TSPEAR: variants seen among roughly 807,000 people sequenced by gnomAD.
TSPEAR encodes the protein thrombospondin type laminin G domain and EAR repeats.
Under a neutral mutation model 71.6 loss-of-function variants are expected in TSPEAR, and 69 were observed. The observed-to-expected ratio is 0.96, with a 90% CI of 0.79 to 1.18. The LOEUF is 1.18. Ranked by LOEUF, TSPEAR falls within the 50% of genes most tolerant of loss-of-function variation. The probability of loss-of-function intolerance (pLI) is 0.00; values close to 1 mark genes in which losing one functional copy is unlikely to be tolerated. For synonymous variants in TSPEAR, 402 were observed against 387.2 expected, an observed-to-expected ratio of 1.04 and a Z score of -0.45; for missense variants, 971 against 894.9, an observed-to-expected ratio of 1.09 and a Z score of -1.09.
In TSPEAR at chr21:44,612,822, A is replaced by G. The variant is rs1555931523; in HGVS notation, c.83-44817T>C. ...TCCTCCTGCCAGCCCAGCTGCTGCC[A>G]CCCGGCCTCCTGCCTGTCCTTCCTC... On this transcript the variant is annotated intron_variant, in intron 1 of 11. Coordinates refer to ENST00000323084, the MANE Select transcript of TSPEAR (RefSeq NM_144991.3). The surrounding 1 kb of genome is among the most constrained non-coding windows in gnomAD (Gnocchi z 4.1). The G allele has an allele frequency of 1.9e-6, 3 of 1,611,128 alleles. No individual in the cohort carries two copies. Among genetic ancestry groups the G allele is most frequent in the East Asian group, 2.2e-5 (1 of 44,776 alleles).
rs1988221398 is a variant in TSPEAR at position 44,711,484 on chromosome 21, G to A, written c.31C>T (p.Leu11=). The stretch of plus-strand genomic sequence containing the variant: ...CCGTGGCCGGGGGCCGCCAGGGGCA[G>A]CACAAAACACAGACTCAGCAGGGCA... MSALLSLCFV[L]PLAAPGHGTQ... is the part of the protein sequence containing the mutation. Residue 11 remains leucine, a synonymous_variant, in exon 1 of 12, where the codon CTG becomes TTG. Coordinates refer to ENST00000323084, the MANE Select transcript of TSPEAR (RefSeq NM_144991.3). This position sits in a 1 kb window ranked among gnomAD's most constrained non-coding sequence, Gnocchi z 4.5. 1 of 1,612,168 alleles carries A rather than the reference G, an allele frequency of 6.2e-7. No homozygotes were observed. Among genetic ancestry groups the A allele is most frequent in the South Asian group, 1.1e-5 (1 of 90,840 alleles).
chr21:44,524,231 T>C (rs1167571733), intron 8 of TSPEAR, among the ~76,000 whole-genome samples: 1 of 150,104 alleles, frequency 6.7e-6, no homozygotes, highest in African/African-American at 2.5e-5. Context: ...AGTCAGTCAG[T>C]CAGTGAGGTA....
intron 1 of TSPEAR, among the ~76,000 whole-genome samples, chr21:44,639,201 C>A (rs1000350670): frequency 6.6e-6 from 1 of 152,094 alleles, no homozygotes; most frequent in African/African-American, 2.4e-5. Context: ...TGTCCCCGCA[C>A]CCCCAGCCTC....
chr21:44,530,461 A>G (rs1364064336), intron 4 of TSPEAR, among the ~76,000 whole-genome samples: 1 of 151,250 alleles, frequency 6.6e-6, no homozygotes, highest in Non-Finnish European at 1.5e-5. Context: ...CTCTCCACGC[A>G]TCCATCCCTC....
chr21:44,564,134 T>G (rs1397733135), intron 2 of TSPEAR, among the ~76,000 whole-genome samples: 3 of 152,190 alleles, frequency 2.0e-5, no homozygotes, highest in Non-Finnish European at 4.4e-5. Flanking sequence ...TCTGGGAACA[T>G]GCATTTTGGG....
chr21:44,515,553 C>T (rs1179756934), intron 9 of TSPEAR: 1 of 152,446 alleles, frequency 6.6e-6, no homozygotes, highest in Non-Finnish European at 1.5e-5. Flanking sequence ...AGACCCTCCC[C>T]TTGGTTCCGG....
chr21:44,666,377 G>A (rs1404829631), intron 1 of TSPEAR: 3 of 1,485,728 alleles, frequency 2.0e-6, no homozygotes, highest in African/African-American at 1.4e-5. Context: ...GACCAACTGA[G>A]GACTCATCCA....
intron 1 of TSPEAR, among the ~76,000 whole-genome samples, chr21:44,658,737 T>C (rs1985319776): frequency 6.6e-6 from 1 of 152,078 alleles, no homozygotes; most frequent in African/African-American, 2.4e-5. Flanking sequence ...GGTAATAAGA[T>C]GTTGGGAAAC....
chr21:44,582,533 G>A (rs587657448), intron 1 of TSPEAR, among the ~76,000 whole-genome samples: 2 of 152,282 alleles, frequency 1.3e-5, no homozygotes, highest in East Asian at 3.9e-4. Context: ...GAATGGGTGT[G>A]GTGATTCCTT....
At position 44,506,063 on chromosome 21, in the gene TSPEAR, G is replaced by A. The variant is rs1555911881; in HGVS notation, c.1755-1182C>T. ...TCAGCTGTGAGGTCAGCGGCCGTGA[G>A]GTCACTCCAGGAGGTGCCTACAGGA... On this transcript the variant is annotated intron_variant, in intron 10 of 11. Coordinates refer to ENST00000323084, the MANE Select transcript of TSPEAR (RefSeq NM_144991.3). This position sits in a 1 kb window ranked among gnomAD's most constrained non-coding sequence, Gnocchi z 4.2. Among the ~76,000 whole-genome samples, 2 of 152,206 alleles carry A rather than the reference G, an allele frequency of 1.3e-5. No individual in the cohort carries two copies. The highest frequency in any genetic ancestry group is 2.9e-5 in the Non-Finnish European group (2 of 68,028).
At chr21:44,542,995 T>TTACTGTCTACTGTC (rs2053247415) in intron 2 of TSPEAR, among the ~76,000 whole-genome samples, 1 of 151,788 alleles carries the variant, frequency 6.6e-6, no homozygotes, top group South Asian at 2.1e-4. Flanking sequence ...AATGATATAT[T>TTACTGTCTACTGTC]TACTGTCTGA....
At chr21:44,503,532 C>T (rs587690044) in intron 11 of TSPEAR, among the ~76,000 whole-genome samples, 7 of 114,642 alleles carry the variant, frequency 6.1e-5, no homozygotes, top group South Asian at 2.9e-4. Context: ...GGGGGGAAGC[C>T]GGCCTTGGTG....
At chr21:44,601,100 G>A (rs782497571) in intron 1 of TSPEAR, 3 of 1,609,600 alleles carry the variant, frequency 1.9e-6, no homozygotes, top group Non-Finnish European at 2.5e-6. Flanking sequence ...GTGCCCATCT[G>A]CTGCAAGCCT....
chr21:44,549,907 G>T (rs2053374133), intron 2 of TSPEAR, among the ~76,000 whole-genome samples: 1 of 152,226 alleles, frequency 6.6e-6, no homozygotes, highest in Non-Finnish European at 1.5e-5. Flanking sequence ...GGGCGCCCCT[G>T]AGCGTATGTG....
intron 1 of TSPEAR, among the ~76,000 whole-genome samples, chr21:44,689,712 A>AATATACATATATATATATATATATAT (rs1987033543): frequency 3.2e-5 from 2 of 62,038 alleles, no homozygotes; most frequent in African/African-American, 1.6e-4. Context: ...GAATAGAATG[A>AATATACATATATATATATATATATAT]ATATATATAT....
At chr21:44,539,323 C>T (rs781852236) in intron 2 of TSPEAR, 48 of 1,611,224 alleles carry the variant, frequency 3.0e-5, no homozygotes, top group Admixed American at 5.0e-5. Flanking sequence ...GGCGGGAGCA[C>T]GCGGGGCGGC....
chr21:44,569,892 T>C (rs182358191), intron 1 of TSPEAR, among the ~76,000 whole-genome samples: 2 of 152,168 alleles, frequency 1.3e-5, no homozygotes, highest in Admixed American at 6.5e-5. Flanking sequence ...GCTCTGATGT[T>C]GGCCCAAGCC....
intron 1 of TSPEAR, chr21:44,682,246 TC>T: frequency 8.8e-7 from 1 of 1,136,708 alleles, no homozygotes; most frequent in Non-Finnish European, 1.2e-6. Context: ...CCTGTTGTCT[TC>T]CTTGTTTTTC....
chr21:44,649,958 A>C (rs1984677183), intron 1 of TSPEAR, among the ~76,000 whole-genome samples: 3 of 152,198 alleles, frequency 2.0e-5, no homozygotes, highest in Admixed American at 6.5e-5. Context: ...GACGTGGCGC[A>C]TGCCTGTAAT....
Sources: gnomAD v4.1 joint callset for allele counts (sites outside exome capture counted in the v4.1 genomes callset) on GRCh38, gnomAD v4.1.1 for gene constraint, Gnocchi (gnomAD v3.1) non-coding constraint, MANE v1.5 for transcripts, NCBI Gene and HGNC (gene_info 2026-07-23, HGNC 2026-07-21) for gene names.